Variants in TCOF1 observed in about 807,000 individuals in gnomAD.
TCOF1 encodes treacle ribosome biogenesis factor 1, also known as treacle protein.
A neutral mutation model predicts 149.0 loss-of-function variants in TCOF1; 33 were observed. That is an observed-to-expected ratio of 0.22 (90% CI 0.17 to 0.30). TCOF1 has a LOEUF of 0.30. Ranked by LOEUF, TCOF1 falls within the 10% of genes least tolerant of loss-of-function variation. The pLI, the probability that TCOF1 is intolerant of heterozygous loss-of-function variation, is 1.00. For synonymous variants in TCOF1, 789 were observed against 738.8 expected, an observed-to-expected ratio of 1.07 and a Z score of -1.10; for missense variants, 1,728 against 1,840.7, an observed-to-expected ratio of 0.94 and a Z score of 1.12.
At chr5:150,370,531 T>C (rs1412029244) in intron 6 of TCOF1, among the ~76,000 whole-genome samples, 1 of 152,150 alleles carries the variant, frequency 6.6e-6, no homozygotes, top group East Asian at 1.9e-4. Context: ...AATTTTTGTA[T>C]TTTTTGTGGA....
intron 23 of TCOF1, 32 bp downstream of exon 23, chr5:150,393,584 G>A (rs749430231): frequency 5.0e-6 from 8 of 1,613,852 alleles, no homozygotes; most frequent in Non-Finnish European, 6.8e-6. Flanking sequence ...GGACATAGCA[G>A]GACACAGAGG....
At chr5:150,358,877 G>A (rs958810806) in intron 1 of TCOF1, among the ~76,000 whole-genome samples, 3 of 151,898 alleles carry the variant, frequency 2.0e-5, no homozygotes, top group Non-Finnish European at 4.4e-5. Flanking sequence ...CCCTGGTCAG[G>A]AATAGCTGAG....
At chr5:150,375,953 C>T (rs372753049) in intron 12 of TCOF1, 44 bp downstream of exon 12, 10 of 1,614,030 alleles carry the variant, frequency 6.2e-6, no homozygotes, top group Non-Finnish European at 7.6e-6. Flanking sequence ...TGATCTGCCA[C>T]ACCACAGTCA....
intron 3 of TCOF1, among the ~76,000 whole-genome samples, chr5:150,366,235 C>G (rs1761323365): frequency 6.6e-6 from 1 of 151,996 alleles, no homozygotes; most frequent in Non-Finnish European, 1.5e-5. Flanking sequence ...CTGGTGGTCC[C>G]AGCTACTCAG....
intron 5 of TCOF1, 25 bp downstream of exon 5, chr5:150,368,927 C>T: frequency 1.9e-6 from 3 of 1,612,866 alleles, no homozygotes; most frequent in Non-Finnish European, 2.5e-6. Context: ...CCTCTAGGAA[C>T]CTAGTCCCCA....
At chr5:150,359,232 A>G (rs1304327709) in intron 1 of TCOF1, among the ~76,000 whole-genome samples, 2 of 150,410 alleles carry the variant, frequency 1.3e-5, no homozygotes, top group African/African-American at 4.9e-5. Context: ...CTGTAGTCCC[A>G]GTTACTCGGG....
At chr5:150,381,148 G>A (rs897865573) in intron 17 of TCOF1, among the ~76,000 whole-genome samples, 7 of 152,314 alleles carry the variant, frequency 4.6e-5, no homozygotes, top group African/African-American at 1.7e-4. Context: ...CTGTGGAGAT[G>A]GACCTTCTGT....
chr5:150,364,105 T>C lies in TCOF1; in HGVS notation c.165-8T>C. On this transcript the variant is annotated splice_region_variant and splice_polypyrimidine_tract_variant and intron_variant, in intron 2 of 26. Coordinates refer to ENST00000643257, the MANE Select transcript of TCOF1 (RefSeq NM_001371623.1). ...CAGTTGGTATAGACAGTCACCCTTG[T>C]CCTGCAGAACCTCAGAGCTTGGTCG... 1 of 1,614,070 alleles carries C rather than the reference T, an allele frequency of 6.2e-7. No individual in the cohort carries two copies. Among genetic ancestry groups the C allele is most frequent in the Non-Finnish European group, 8.5e-7 (1 of 1,179,974 alleles).
chr5:150,369,523 C>T lies in TCOF1; in HGVS notation c.566-6C>T, dbSNP rs780391622. ...TCCCTCAGTCCCCTCCGTGTCCGAT[C>T]CTCAGGGATGGTGTCAGCGGGCCAG... On this transcript the variant is annotated splice_region_variant and splice_polypyrimidine_tract_variant and intron_variant, in intron 5 of 26. Transcript: ENST00000643257. The T allele has an allele frequency of 2.5e-6, 4 of 1,614,106 alleles. No homozygotes were observed. The South Asian group carries it at 3.3e-5, about 13-fold the overall frequency.
chr5:150,376,714 G>C (rs1487682022), intron 14 of TCOF1, 94 bp downstream of exon 14: 4 of 1,314,700 alleles, frequency 3.0e-6, no homozygotes, highest in Non-Finnish European at 2.1e-6. Flanking sequence ...TTGCCTGCAG[G>C]TGTGCAGAAG....
rs1768524188 is a variant in TCOF1 at position 150,396,418 on chromosome 5, G to A, written c.3921G>A (p.Leu1307=). ...GCCTCCTGGGCCAACCCTGGCCCCT[G>A]AATGAGGCCCAGGTGCAGGCCTCAG... The part of the protein sequence containing the change: ...TQCLLGQPWP[L]NEAQVQASVV... The change falls in exon 24 of 27, where the codon CTG becomes CTA. Residue 1307 remains leucine (L), a synonymous_variant. Coordinates refer to ENST00000643257, the MANE Select transcript of TCOF1 (RefSeq NM_001371623.1). The A allele has an allele frequency of 6.2e-7, 1 of 1,613,922 alleles. No homozygotes were observed. Among genetic ancestry groups the A allele is most frequent in the Admixed American group, 1.7e-5 (1 of 60,002 alleles).
intron 17 of TCOF1, chr5:150,384,935 G>T (rs1350211832): frequency 1.0e-6 from 1 of 985,296 alleles, no homozygotes; most frequent in East Asian, 1.1e-4. Flanking sequence ...AGAGTCCCAG[G>T]CTGGGAGGCA....
At chr5:150,388,891 C>T (rs923101124) in intron 18 of TCOF1, among the ~76,000 whole-genome samples, 3 of 152,160 alleles carry the variant, frequency 2.0e-5, no homozygotes, top group African/African-American at 7.2e-5. Context: ...AGATGTGCCA[C>T]AGCACTCCAG....
chr5:150,365,243 C>G (rs976454757), intron 3 of TCOF1, among the ~76,000 whole-genome samples: 1 of 138,986 alleles, frequency 7.2e-6, no homozygotes, highest in Non-Finnish European at 1.6e-5. Flanking sequence ...TGTGGGTTTT[C>G]TTTTTCTTTC....
intron 6 of TCOF1, 21 bp downstream of exon 6, chr5:150,369,623 G>A (rs375766217): frequency 2.0e-5 from 33 of 1,613,672 alleles, no homozygotes; most frequent in Admixed American, 1.7e-5. Context: ...CCCATCCCTA[G>A]GAGTTGCCCT....
chr5:150,384,559 C>T (rs1416681227), intron 17 of TCOF1: 1 of 985,430 alleles, frequency 1.0e-6, no homozygotes, highest in African/African-American at 1.7e-5. Flanking sequence ...ATCTAAACAA[C>T]TGGGAGGGAG....
chr5:150,378,846 G>A (rs1376552938), intron 14 of TCOF1, 59 bp from the exon 15 acceptor site: 2 of 1,612,372 alleles, frequency 1.2e-6, no homozygotes, highest in Non-Finnish European at 1.7e-6. Context: ...CTGTATTCTT[G>A]GCTAGCTGCT....
At chr5:150,382,897 G>A (rs1581161995) in intron 17 of TCOF1, among the ~76,000 whole-genome samples, 1 of 152,352 alleles carries the variant, frequency 6.6e-6, no homozygotes, top group Admixed American at 6.5e-5. Flanking sequence ...TCCAGTGGCT[G>A]TGGGGCAGGT....
chr5:150,369,970 A>G (rs17111132), intron 6 of TCOF1, among the ~76,000 whole-genome samples: 1,865 of 152,292 alleles, frequency 0.012, 55 homozygotes, highest in African/African-American at 0.043. Flanking sequence ...GCCCAGAGGC[A>G]ACAGTGTGGC....
Sources: allele counts gnomAD v4.1 joint callset (sites outside exome capture counted in the v4.1 genomes callset), GRCh38; gene constraint gnomAD v4.1.1; transcripts MANE v1.5; gene names NCBI Gene and HGNC (gene_info 2026-07-23, HGNC 2026-07-21).